The following VWC2 variants were observed in gnomAD, a reference collection of about 807,000 sequenced individuals.
VWC2 encodes the protein von Willebrand factor C domain containing 2.
Under a neutral mutation model 29.8 loss-of-function variants are expected in VWC2, and 14 were observed. The observed-to-expected ratio is 0.47, with a 90% confidence interval of 0.31 to 0.74. The LOEUF (loss-of-function observed/expected upper bound fraction) is 0.74, where lower values mean the gene tolerates loss of function less well. VWC2 is among the 30% of genes least tolerant of loss of function. VWC2 has a pLI of 0.05. For synonymous variants in VWC2, 213 were observed against 199.0 expected, an observed-to-expected ratio of 1.07 and a Z score of -0.59; for missense variants, 457 against 459.8, an observed-to-expected ratio of 0.99 and a Z score of 0.05.
intron 3 of VWC2, among the ~76,000 whole-genome samples, chr7:49,883,375 A>G (rs1791758565): frequency 1.3e-5 from 2 of 152,196 alleles, no homozygotes; most frequent in South Asian, 4.1e-4. Context: ...TTCGTCTGAA[A>G]TAAATGTACT....
intron 2 of VWC2, among the ~76,000 whole-genome samples, chr7:49,788,614 G>T (rs1788359643): frequency 7.3e-6 from 1 of 136,748 alleles, no homozygotes. Context: ...ACTCTTATGA[G>T]TGGTGGGTGT....
chr7:49,913,621 G>T lies in VWC2; in HGVS notation c.*1436G>T, dbSNP rs1793572898. Reference sequence around the variant, plus strand: ...AAAGCATTGACAACAAGGGAATAAGGCTTGATTTCTTGCCTTCTTGGACTT... The same window carrying T: ...AAAGCATTGACAACAAGGGAATAAGTCTTGATTTCTTGCCTTCTTGGACTT... On this transcript the variant is annotated 3_prime_UTR_variant, in exon 4 of 4. Coordinates refer to ENST00000340652, the MANE Select transcript of VWC2 (RefSeq NM_198570.5). 2 of 152,110 alleles carry T rather than the reference G, an allele frequency of 1.3e-5. No homozygotes were observed. The highest frequency in any genetic ancestry group is 6.6e-5 in the Admixed American group (1 of 15,246). 9.4% of individuals were successfully genotyped at this position (152,110 alleles called of 1,614,324 possible).
chr7:49,802,890 C>T (rs376351137), intron 3 of VWC2, 50 bp downstream of exon 3: 2 of 1,612,218 alleles, frequency 1.2e-6, no homozygotes, highest in Admixed American at 3.3e-5. Flanking sequence ...CCCTGATGCA[C>T]AACCCATGTG....
chr7:49,892,903 A>G (rs1189026688), intron 3 of VWC2, among the ~76,000 whole-genome samples: 1 of 152,224 alleles, frequency 6.6e-6, no homozygotes, highest in Non-Finnish European at 1.5e-5. Context: ...TGAGGTTCTC[A>G]GTATATGTTA....
intron 2 of VWC2, among the ~76,000 whole-genome samples, chr7:49,800,884 A>G (rs1788723118): frequency 6.6e-6 from 1 of 150,702 alleles, no homozygotes; most frequent in African/African-American, 2.4e-5. Context: ...TAATTGTGCC[A>G]ACAACAACAA....
At chr7:49,896,446 T>A (rs1196659284) in intron 3 of VWC2, among the ~76,000 whole-genome samples, 1 of 151,506 alleles carries the variant, frequency 6.6e-6, no homozygotes, top group East Asian at 1.9e-4. Context: ...GAGAAAAAAA[T>A]TCCTAAATCA....
intron 2 of VWC2, among the ~76,000 whole-genome samples, chr7:49,796,381 C>A (rs974494936): frequency 6.6e-6 from 1 of 152,174 alleles, no homozygotes; most frequent in Non-Finnish European, 1.5e-5. Flanking sequence ...AAAGCCAGTG[C>A]ACTTTGCAGC....
At chr7:49,807,408 A>G (rs892567915) in intron 3 of VWC2, among the ~76,000 whole-genome samples, 20 of 152,238 alleles carry the variant, frequency 1.3e-4, no homozygotes, top group African/African-American at 4.8e-4. Flanking sequence ...GATAGTAATT[A>G]GCCCGTTGTG....
chr7:49,876,426 C>A (rs1312450829), intron 3 of VWC2, among the ~76,000 whole-genome samples: 1 of 152,250 alleles, frequency 6.6e-6, no homozygotes, highest in African/African-American at 2.4e-5. Context: ...GGGAAAACAG[C>A]ACCTGTCTCC....
intron 3 of VWC2, among the ~76,000 whole-genome samples, chr7:49,837,114 A>C (rs1162628893): frequency 6.6e-6 from 1 of 152,234 alleles, no homozygotes; most frequent in Non-Finnish European, 1.5e-5. Context: ...ACCTTAACCA[A>C]AATGACCCAG....
intron 3 of VWC2, among the ~76,000 whole-genome samples, chr7:49,846,226 G>T (rs577479659): frequency 1.3e-5 from 2 of 152,052 alleles, no homozygotes; most frequent in African/African-American, 2.4e-5. Context: ...GCAAAGAGTC[G>T]CCCCCAAGAC....
intron 3 of VWC2, among the ~76,000 whole-genome samples, chr7:49,872,027 T>C (rs572291035): frequency 8.2e-5 from 12 of 145,828 alleles, no homozygotes; most frequent in African/African-American, 2.0e-4. Flanking sequence ...TGAAGTAATA[T>C]ATAGAAAAAA....
At chr7:49,829,694 C>G (rs1227980413) in intron 3 of VWC2, among the ~76,000 whole-genome samples, 2 of 152,222 alleles carry the variant, frequency 1.3e-5, no homozygotes, top group African/African-American at 4.8e-5. Flanking sequence ...TCTTCCTCTC[C>G]CTTCACATTG....
In VWC2 at chr7:49,920,292, G is replaced by A. The variant is rs1793962119; in HGVS notation, c.*8107G>A. On this transcript the variant is annotated 3_prime_UTR_variant, in exon 4 of 4. Coordinates refer to ENST00000340652, the MANE Select transcript of VWC2 (RefSeq NM_198570.5). Reference sequence around the variant, plus strand: ...ATGAAAATAATAAAAGTGGTATTTGGATGAGATAATTTTCCTTTAAATTTA... The same window carrying A: ...ATGAAAATAATAAAAGTGGTATTTGAATGAGATAATTTTCCTTTAAATTTA... 1 of 152,108 alleles carries A rather than the reference G, an allele frequency of 6.6e-6. No homozygotes were observed. Among genetic ancestry groups the A allele is most frequent in the African/African-American group, 2.4e-5 (1 of 41,428 alleles). The allele number at this position is 152,108 out of a possible 1,614,324, so 9.4% of individuals were successfully genotyped here.
At chr7:49,901,739 T>C (rs1792741157) in intron 3 of VWC2, among the ~76,000 whole-genome samples, 1 of 151,762 alleles carries the variant, frequency 6.6e-6, no homozygotes, top group South Asian at 2.1e-4. Context: ...CAACACGATA[T>C]TGAAAGAGAA....
chr7:49,883,601 G>A (rs576088906), intron 3 of VWC2, among the ~76,000 whole-genome samples: 138 of 152,258 alleles, frequency 9.1e-4, no homozygotes, highest in Non-Finnish European at 1.4e-3. Flanking sequence ...GCTCAGGCAT[G>A]TTCTTCCAAA....
rs149734595 is a variant in VWC2, at chr7:49,847,805, G to A, written c.826+44965G>A. Among the ~76,000 whole-genome samples the A allele has an allele frequency of 2.2e-3, 342 of 152,316 alleles. 3 individuals carry two copies. The highest frequency in any genetic ancestry group is 7.9e-3 in the African/African-American group (329 of 41,574). ...GTCTGGAACCTGGCCCTGATGATCAGAAGAGGTGGACAGTGGCTCTCAGTG... is the reference window on the plus strand; with the variant it reads ...GTCTGGAACCTGGCCCTGATGATCAAAAGAGGTGGACAGTGGCTCTCAGTG... On this transcript the variant is annotated intron_variant, in intron 3 of 3. Transcript: ENST00000340652.
intron 3 of VWC2, among the ~76,000 whole-genome samples, chr7:49,827,618 T>C (rs939107475): frequency 1.3e-5 from 2 of 152,156 alleles, no homozygotes; most frequent in Non-Finnish European, 2.9e-5. Flanking sequence ...TATTATGCCA[T>C]TATTTTCTAC....
rs1407183219 is a variant in VWC2, at chr7:49,912,059, G to A, written c.852G>A (p.Ala284=). ...KNGPNCFAET[A]VIPAGREVKT... is the part of the protein sequence containing the mutation. ...GTCCAAACTGCTTTGCAGAAACCGC[G>A]GTGATCCCTGCTGGCAGAGAAGTGA... Residue 284 remains alanine (A), a synonymous_variant, in exon 4 of 4, where the codon GCG becomes GCA. Coordinates refer to ENST00000340652, the MANE Select transcript of VWC2 (RefSeq NM_198570.5). 3.7e-6 allele frequency: 6 copies of A among 1,613,670 alleles called. No individual in the cohort carries two copies. Among genetic ancestry groups the A allele is most frequent in the African/African-American group, 2.7e-5 (2 of 74,822 alleles).
Sources: gnomAD v4.1 joint callset for allele counts (sites outside exome capture counted in the v4.1 genomes callset) on GRCh38, gnomAD v4.1.1 for gene constraint, MANE v1.5 for transcripts, NCBI Gene and HGNC (gene_info 2026-07-23, HGNC 2026-07-21) for gene names.